The following TBC1D22A variants were observed in gnomAD, a reference collection of about 807,000 sequenced individuals.
TBC1D22A encodes the protein putative GTPase activator.
TBC1D22A carries 38 observed loss-of-function variants against 60.2 expected under a neutral mutation model. That is an observed-to-expected ratio of 0.63 (90% CI 0.49 to 0.83). The LOEUF is 0.83. Ranked by LOEUF, TBC1D22A falls within the 40% of genes least tolerant of loss-of-function variation. The pLI, the probability that TBC1D22A is intolerant of heterozygous loss-of-function variation, is 0.00. For synonymous variants in TBC1D22A, 302 were observed against 281.7 expected, an observed-to-expected ratio of 1.07 and a Z score of -0.72; for missense variants, 628 against 701.0, an observed-to-expected ratio of 0.90 and a Z score of 1.18.
At chr22:46,960,886 G>T (rs959739169) in intron 8 of TBC1D22A, among the ~76,000 whole-genome samples, 1 of 147,150 alleles carries the variant, frequency 6.8e-6, no homozygotes, top group Non-Finnish European at 1.5e-5. Flanking sequence ...GGCGGAGCTT[G>T]CAGTGAGCCA....
chr22:46,774,689 C>T (rs529672517), intron 1 of TBC1D22A, among the ~76,000 whole-genome samples: 2 of 152,328 alleles, frequency 1.3e-5, no homozygotes, highest in East Asian at 3.9e-4. Context: ...CCTAGGGGAA[C>T]GGGTTCACCT....
At chr22:46,919,560 A>T (rs1254233406) in intron 8 of TBC1D22A, among the ~76,000 whole-genome samples, 1 of 151,922 alleles carries the variant, frequency 6.6e-6, no homozygotes, top group Non-Finnish European at 1.5e-5. Flanking sequence ...TAACTGGGAG[A>T]ATTACTGGGT....
At chr22:46,960,418 C>A (rs1201015599) in intron 8 of TBC1D22A, among the ~76,000 whole-genome samples, 1 of 152,126 alleles carries the variant, frequency 6.6e-6, no homozygotes, top group African/African-American at 2.4e-5. Flanking sequence ...CCCACCACCA[C>A]GCCCAGCTAA....
chr22:47,050,712 C>T (rs2063179947), intron 11 of TBC1D22A, among the ~76,000 whole-genome samples: 2 of 152,052 alleles, frequency 1.3e-5, no homozygotes, highest in Non-Finnish European at 2.9e-5. Context: ...AGATTGCAGG[C>T]CATGGCGGGG....
chr22:47,062,633 C>T (rs558813943), intron 11 of TBC1D22A, among the ~76,000 whole-genome samples: 6 of 152,134 alleles, frequency 3.9e-5, no homozygotes, highest in East Asian at 1.9e-4. Flanking sequence ...GGTGCAGCTT[C>T]GTGTGGAAAA....
At chr22:46,808,749 C>T (rs2085257187) in intron 4 of TBC1D22A, among the ~76,000 whole-genome samples, 1 of 152,172 alleles carries the variant, frequency 6.6e-6, no homozygotes, top group African/African-American at 2.4e-5. Flanking sequence ...CACCTGCCAC[C>T]ATGCCTGGCT....
chr22:46,904,788 T>C, intron 7 of TBC1D22A, among the ~76,000 whole-genome samples: 1 of 143,226 alleles, frequency 7.0e-6, no homozygotes, highest in East Asian at 2.1e-4. Flanking sequence ...TTTTTTTTTT[T>C]TTCTGAGACA....
chr22:47,030,517 G>A (rs2062435362), intron 10 of TBC1D22A, among the ~76,000 whole-genome samples: 1 of 152,198 alleles, frequency 6.6e-6, no homozygotes, highest in African/African-American at 2.4e-5. Flanking sequence ...CAAATATTGT[G>A]GTTGTTTCTC....
intron 8 of TBC1D22A, among the ~76,000 whole-genome samples, chr22:46,950,376 C>T (rs947193099): frequency 2.9e-4 from 44 of 152,252 alleles, no homozygotes; most frequent in African/African-American, 1.0e-3. Context: ...GTTTGTGTGG[C>T]CTGTTGCACA....
At chr22:47,004,304 CACA>C (rs1466474631) in intron 10 of TBC1D22A, among the ~76,000 whole-genome samples, 3 of 147,100 alleles carry the variant, frequency 2.0e-5, no homozygotes, top group Non-Finnish European at 4.5e-5. Flanking sequence ...CTCATACATA[CACA>C]ACCCCTCATA....
chr22:47,109,507 T>G (rs1387220783), intron 11 of TBC1D22A, among the ~76,000 whole-genome samples: 1 of 152,184 alleles, frequency 6.6e-6, no homozygotes, highest in Non-Finnish European at 1.5e-5. Context: ...GTTCAGTCCT[T>G]GGTGTTTATT....
At chr22:46,825,803 C>T (rs2086028628) in intron 4 of TBC1D22A, among the ~76,000 whole-genome samples, 1 of 151,966 alleles carries the variant, frequency 6.6e-6, no homozygotes, top group Admixed American at 6.6e-5. Flanking sequence ...ATAAAAATTG[C>T]CCTCACATAT....
At chr22:46,902,256 G>A (rs1013464800) in intron 7 of TBC1D22A, among the ~76,000 whole-genome samples, 1 of 152,214 alleles carries the variant, frequency 6.6e-6, no homozygotes, top group African/African-American at 2.4e-5. Context: ...AATACCTCTG[G>A]TTTTTAAATT....
At chr22:47,084,979 TA>T (rs879408072) in intron 11 of TBC1D22A, among the ~76,000 whole-genome samples, 61 of 152,326 alleles carry the variant, frequency 4.0e-4, no homozygotes, top group Non-Finnish European at 6.9e-4. Context: ...TTTACTTTCA[TA>T]TTAAAAAAAT....
chr22:46,810,454 A>T (rs139574), intron 4 of TBC1D22A, among the ~76,000 whole-genome samples: 5,645 of 151,700 alleles, frequency 0.037, 313 homozygotes, highest in African/African-American at 0.12. Flanking sequence ...AAAAAAAAAA[A>T]GTATATATTT....
chr22:46,844,042 G>A (rs1044211030), intron 4 of TBC1D22A, among the ~76,000 whole-genome samples: 1 of 151,540 alleles, frequency 6.6e-6, no homozygotes, highest in Non-Finnish European at 1.5e-5. Context: ...TGTCTTCTTG[G>A]CTGTCATTTG....
chr22:46,881,881 G>C lies in TBC1D22A; in HGVS notation c.708+3158G>C, dbSNP rs1009371952. 2.6e-5 allele frequency among the ~76,000 whole-genome samples: 4 copies of C among 152,214 alleles called. No homozygotes were observed. The South Asian group carries it at 6.2e-4, about 24-fold the overall frequency. ...CCCCAGGCAGTCATGCTGCACCATGGCTCTGGGCCTTCTGTAAGAGGAGAG... is the reference window on the plus strand; with the variant it reads ...CCCCAGGCAGTCATGCTGCACCATGCCTCTGGGCCTTCTGTAAGAGGAGAG... On this transcript the variant is annotated intron_variant, in intron 5 of 12. Transcript: ENST00000337137.
chr22:47,144,614 C>T (rs2147154816), intron 12 of TBC1D22A, among the ~76,000 whole-genome samples: 1 of 152,374 alleles, frequency 6.6e-6, no homozygotes, highest in Admixed American at 6.5e-5. Flanking sequence ...GAGTCAGTGC[C>T]CACCACCTGG....
chr22:46,780,263 C>T (rs1349466101), intron 1 of TBC1D22A, among the ~76,000 whole-genome samples: 1 of 152,136 alleles, frequency 6.6e-6, no homozygotes, highest in Non-Finnish European at 1.5e-5. Context: ...AGATGACTTG[C>T]CTGTTTACTT....
Sources: gnomAD v4.1 joint callset for allele counts (sites outside exome capture counted in the v4.1 genomes callset) on GRCh38, gnomAD v4.1.1 for gene constraint, MANE v1.5 for transcripts, NCBI Gene and HGNC (gene_info 2026-07-23, HGNC 2026-07-21) for gene names.